Variants in LARGE1 observed in about 807,000 individuals in gnomAD.
LARGE1 encodes the protein xylosyl- and glucuronyltransferase LARGE1.
In LARGE1, 43 loss-of-function variants were observed where a neutral mutation model predicts 87.6. The ratio of observed to expected loss-of-function variants is 0.49; its 90% CI spans 0.38 to 0.63. LARGE1 has a LOEUF of 0.63. Among genes scored for constraint, LARGE1 ranks in the 30% least tolerant of loss-of-function variants. LARGE1 has a pLI of 0.00. For synonymous variants in LARGE1, 434 were observed against 394.6 expected (o/e 1.10, Z -1.18); for missense variants, 802 against 1,000.2 (o/e 0.80, Z 2.67).
At chr22:33,521,080 G>C (rs1275819700) in intron 6 of LARGE1, among the ~76,000 whole-genome samples, 1 of 152,220 alleles carries the variant, frequency 6.6e-6, no homozygotes, top group African/African-American at 2.4e-5. Context: ...GTTGCAAAAT[G>C]AGATGTCCCA....
chr22:33,130,861 G>A, the LARGE1 span, among the ~76,000 whole-genome samples: 3 of 151,588 alleles, frequency 2.0e-5, no homozygotes, highest in African/African-American at 7.3e-5. Context: ...GTGAAACCCC[G>A]TCTCTACTGA....
intron 4 of LARGE1, among the ~76,000 whole-genome samples, chr22:33,623,137 CTTT>C (rs766787763): frequency 6.8e-5 from 9 of 132,598 alleles, no homozygotes; most frequent in Admixed American, 7.7e-5. Flanking sequence ...AGAAAGTGGG[CTTT>C]TTTTTTTTTT....
At chr22:33,586,623 A>C (rs941147277) in intron 5 of LARGE1, among the ~76,000 whole-genome samples, 1 of 151,798 alleles carries the variant, frequency 6.6e-6, no homozygotes. Flanking sequence ...ACGCCTGGCT[A>C]ATTTTTTGTA....
chr22:33,344,432 T>C (rs541930737), intron 9 of LARGE1, among the ~76,000 whole-genome samples: 3 of 152,254 alleles, frequency 2.0e-5, no homozygotes, highest in Admixed American at 2.0e-4. Context: ...ACAAGTATGA[T>C]AACGTGCATT....
chr22:33,803,410 G>A (rs980637051), intron 1 of LARGE1, among the ~76,000 whole-genome samples: 1 of 152,124 alleles, frequency 6.6e-6, no homozygotes, highest in Non-Finnish European at 1.5e-5. Flanking sequence ...GTTGTACATA[G>A]CTGGAATCCA....
chr22:33,120,174 A>G, the LARGE1 span, among the ~76,000 whole-genome samples: 2 of 152,082 alleles, frequency 1.3e-5, no homozygotes, highest in Non-Finnish European at 2.9e-5. Context: ...TCTTAAGTCT[A>G]TATATATGTA....
intron 1 of LARGE1, among the ~76,000 whole-genome samples, chr22:33,875,080 C>T (rs1237698462): frequency 2.0e-5 from 3 of 152,190 alleles, no homozygotes; most frequent in Admixed American, 1.3e-4. Flanking sequence ...GAATTAGCTG[C>T]TCAACAACTC....
At chr22:33,258,875 CTTCT>C (rs1232199266) in intron 11 of LARGE1, among the ~76,000 whole-genome samples, 1 of 136,858 alleles carries the variant, frequency 7.3e-6, no homozygotes, top group Non-Finnish European at 1.6e-5. Context: ...CTTTATGTTT[CTTCT>C]TTTTTTTTTT....
chr22:33,586,504 G>A (rs996924228), intron 5 of LARGE1, among the ~76,000 whole-genome samples: 1 of 150,234 alleles, frequency 6.7e-6, no homozygotes, highest in African/African-American at 2.5e-5. Flanking sequence ...CGCCCAGGCT[G>A]GAGTGCAGTG....
intron 5 of LARGE1, among the ~76,000 whole-genome samples, chr22:33,599,749 A>G (rs1238821889): frequency 6.6e-6 from 1 of 152,208 alleles, no homozygotes; most frequent in Admixed American, 6.5e-5. Context: ...ACAGCTGTAC[A>G]AAGTGATTTC....
At chr22:33,265,891 G>T (rs1205265895) in intron 11 of LARGE1, among the ~76,000 whole-genome samples, 2 of 151,034 alleles carry the variant, frequency 1.3e-5, no homozygotes, top group African/African-American at 4.9e-5. Context: ...ATGCAGAATC[G>T]CAGGCAGCAC....
At chr22:33,497,454 G>A (rs936123035) in intron 6 of LARGE1, among the ~76,000 whole-genome samples, 5 of 152,182 alleles carry the variant, frequency 3.3e-5, no homozygotes, top group African/African-American at 1.2e-4. Flanking sequence ...AAATAACAAT[G>A]CCTGCCTTCT....
At chr22:33,268,302 C>T (rs1172470151), downstream of LARGE1, among the ~76,000 whole-genome samples, 1 of 151,216 alleles carries the variant, frequency 6.6e-6, no homozygotes, top group East Asian at 1.9e-4. Context: ...ATCTTTTCTC[C>T]TTGCATATCT....
intron 1 of LARGE1, among the ~76,000 whole-genome samples, chr22:33,859,894 A>G (rs1402658411): frequency 6.6e-6 from 1 of 152,188 alleles, no homozygotes. Flanking sequence ...CAAATACTAT[A>G]TCATTCCACT....
chr22:33,469,827 T>TAAAAACAAAAAACAAAAAACA (rs368924028), intron 6 of LARGE1, among the ~76,000 whole-genome samples: 30 of 135,862 alleles, frequency 2.2e-4, no homozygotes, highest in African/African-American at 6.1e-4. Flanking sequence ...GACTCCATCT[T>TAAAAACAAAAAACAAAAAACA]AAAAACAAAA....
At chr22:33,786,867 A>G (rs758684360) in intron 1 of LARGE1, among the ~76,000 whole-genome samples, 1 of 152,072 alleles carries the variant, frequency 6.6e-6, no homozygotes, top group African/African-American at 2.4e-5. Flanking sequence ...TAAAAAATAC[A>G]AAAATTAGCC....
intron 1 of LARGE1, among the ~76,000 whole-genome samples, chr22:33,858,117 C>T (rs568613064): frequency 8.5e-5 from 13 of 152,228 alleles, no homozygotes; most frequent in South Asian, 2.1e-4. Flanking sequence ...CGTGGAACCC[C>T]GTGACTAGTG....
chr22:33,641,840 T>A (rs1028149665), intron 3 of LARGE1, among the ~76,000 whole-genome samples: 5 of 151,140 alleles, frequency 3.3e-5, no homozygotes, highest in Non-Finnish European at 5.9e-5. Flanking sequence ...GGAAAAAAAA[T>A]GAAAAGTAAT....
intron 2 of LARGE1, among the ~76,000 whole-genome samples, chr22:33,719,225 C>T (rs1488196820): frequency 6.6e-6 from 1 of 152,128 alleles, no homozygotes; most frequent in Non-Finnish European, 1.5e-5. Flanking sequence ...AGTGTTACGA[C>T]AAGAGTCAAA....
Sources: allele counts gnomAD v4.1 joint callset (sites outside exome capture counted in the v4.1 genomes callset), GRCh38; gene constraint gnomAD v4.1.1; transcripts MANE v1.5; gene names NCBI Gene and HGNC (gene_info 2026-07-23, HGNC 2026-07-21).